The following STK3 variants were observed in gnomAD, a reference collection of about 807,000 sequenced individuals.
STK3 encodes serine/threonine-protein kinase 3.
STK3 carries 41 observed loss-of-function variants against 58.0 expected under a neutral mutation model. The observed-to-expected ratio is 0.71, with a 90% CI of 0.55 to 0.92. The LOEUF (loss-of-function observed/expected upper bound fraction) is 0.92. Among genes scored for constraint, STK3 ranks in the 40% least tolerant of loss-of-function variants. STK3 has a pLI of 0.00. For synonymous variants in STK3, 170 were observed against 191.0 expected (o/e 0.89, Z 0.91); for missense variants, 479 against 602.7 (o/e 0.79, Z 2.15).
intron 1 of STK3, among the ~76,000 whole-genome samples, chr8:98,805,579 AAATAATAAT>A (rs546519221): frequency 5.9e-5 from 9 of 151,278 alleles, no homozygotes; most frequent in Admixed American, 2.0e-4. Flanking sequence ...CATCTCCAAA[AAATAATAAT>A]AATAATAATA....
In STK3 at chr8:98,580,757, C is replaced by T. The variant is rs538139461; in HGVS notation, c.823-968G>A. On this transcript the variant is annotated intron_variant, in intron 7 of 10. Coordinates refer to ENST00000419617, the MANE Select transcript of STK3 (RefSeq NM_006281.4). ...CCTTCCTAAGTGCTGGGAATAGAGG[C>T]ATGAGCCACTGCACCCAGCCCTGAG... is the stretch of plus-strand genomic sequence containing the variant. Among the ~76,000 whole-genome samples, 5 of 152,288 alleles carry T rather than the reference C, an allele frequency of 3.3e-5. No homozygotes were observed. The East Asian group carries it at 9.7e-4, about 29-fold the overall frequency.
intron 6 of STK3, among the ~76,000 whole-genome samples, chr8:98,668,990 T>TC (rs1173969420): frequency 1.4e-5 from 2 of 141,420 alleles, no homozygotes; most frequent in African/African-American, 5.5e-5. Context: ...AATCTTGTCT[T>TC]TTTTTTTTTT....
intron 10 of STK3, among the ~76,000 whole-genome samples, chr8:98,518,343 A>C (rs1478774023): frequency 6.6e-6 from 1 of 152,100 alleles, no homozygotes; most frequent in Non-Finnish European, 1.5e-5. Flanking sequence ...ACCAAATAAA[A>C]ATTTCAGAAA....
intron 7 of STK3, among the ~76,000 whole-genome samples, chr8:98,590,817 T>TA (rs1009397463): frequency 6.6e-6 from 1 of 152,156 alleles, no homozygotes; most frequent in Non-Finnish European, 1.5e-5. Flanking sequence ...AAATATTATT[T>TA]AAAAAAATTA....
rs571485392 is a variant in STK3, at chr8:98,904,088, G to A, written c.-78-20254C>T. ...AAAACAAGGCTAAATTTCAGCTAAT[G>A]CTGTACCACGATCACAGGTCAGATA... On this transcript the variant is annotated intron_variant, in intron 1 of 1. Coordinates refer to the STK3 transcript ENST00000519420. 1.1e-4 allele frequency among the ~76,000 whole-genome samples: 16 copies of A among 152,272 alleles called. 1 individual carries two copies. Among genetic ancestry groups the A allele is most frequent in the African/African-American group, 3.8e-4 (16 of 41,560 alleles).
chr8:98,653,224 G>C (rs529253411), intron 6 of STK3, among the ~76,000 whole-genome samples: 2 of 152,302 alleles, frequency 1.3e-5, no homozygotes, highest in African/African-American at 4.8e-5. Flanking sequence ...ACCTGCTCCT[G>C]AATGACTACT....
intron 10 of STK3, among the ~76,000 whole-genome samples, chr8:98,466,934 T>G (rs1820511991): frequency 6.6e-6 from 1 of 152,174 alleles, no homozygotes; most frequent in Non-Finnish European, 1.5e-5. Flanking sequence ...TAAGGGTCAC[T>G]ACTCCAATGG....
At chr8:98,468,743 G>A (rs1252301276) in intron 10 of STK3, among the ~76,000 whole-genome samples, 2 of 152,168 alleles carry the variant, frequency 1.3e-5, no homozygotes, top group Non-Finnish European at 2.9e-5. Context: ...TTTCTGAATT[G>A]GGGAAAGGAC....
chr8:98,407,681 G>C (rs1232054514), intron 3 of STK3, among the ~76,000 whole-genome samples: 5 of 151,870 alleles, frequency 3.3e-5, no homozygotes. Flanking sequence ...AATTCCGAGA[G>C]GAGCTCACCT....
At chr8:98,667,725 A>C (rs1350996000) in intron 6 of STK3, among the ~76,000 whole-genome samples, 1 of 152,128 alleles carries the variant, frequency 6.6e-6, no homozygotes, top group African/African-American at 2.4e-5. Context: ...AAAACGAAGT[A>C]CAAAACAAAT....
At position 98,938,153 on chromosome 8, in the gene STK3, TA is replaced by T. The variant is rs60711152; in HGVS notation, c.-79+4224del. ...GCACTGACTCACTAAAATTAAAGCT[TA>T]AAAAAAAAAACTAAAAAAACTTGAA... On this transcript the variant is annotated intron_variant, in intron 1 of 1. Transcript: ENST00000519420. Among the ~76,000 whole-genome samples, 113 of 148,466 alleles carry T rather than the reference TA, an allele frequency of 7.6e-4. No individual in the cohort carries two copies. The Middle Eastern group carries it at 0.01, about 14-fold the overall frequency.
chr8:98,490,742 C>T (rs1822621727), intron 10 of STK3, among the ~76,000 whole-genome samples: 1 of 152,190 alleles, frequency 6.6e-6, no homozygotes, highest in East Asian at 1.9e-4. Context: ...GCAAGTTTCA[C>T]AAACCATTTA....
At chr8:98,911,419 G>A (rs1025330709) in intron 1 of STK3, among the ~76,000 whole-genome samples, 2 of 151,754 alleles carry the variant, frequency 1.3e-5, no homozygotes, top group East Asian at 1.9e-4. Flanking sequence ...TTGGAGAGAG[G>A]GTCTTGCTCT....
At chr8:98,677,960 T>TA in intron 6 of STK3, among the ~76,000 whole-genome samples, 1 of 152,226 alleles carries the variant, frequency 6.6e-6, no homozygotes, top group Non-Finnish European at 1.5e-5. Context: ...TGCACATGTA[T>TA]ATATCAGTGT....
chr8:98,344,892 CAAAAAAAAAA>C, the STK3 span, among the ~76,000 whole-genome samples: 3 of 47,404 alleles, frequency 6.3e-5, no homozygotes, highest in Non-Finnish European at 1.1e-4. Flanking sequence ...GACTCCGTCT[CAAAAAAAAAA>C]AAAAAAAAAA....
chr8:98,780,442 C>T (rs934656356), intron 1 of STK3, among the ~76,000 whole-genome samples: 12 of 152,056 alleles, frequency 7.9e-5, no homozygotes, highest in African/African-American at 2.9e-4. Flanking sequence ...TTGTTCTTTG[C>T]TCATTTTTCC....
At chr8:98,533,818 C>A (rs1293463401) in intron 9 of STK3, among the ~76,000 whole-genome samples, 1 of 152,146 alleles carries the variant, frequency 6.6e-6, no homozygotes, top group Non-Finnish European at 1.5e-5. Context: ...GTGTTTCCAT[C>A]TTTACTTTTC....
chr8:98,571,549 T>C (rs920534223), intron 8 of STK3, among the ~76,000 whole-genome samples: 1 of 152,180 alleles, frequency 6.6e-6, no homozygotes, highest in African/African-American at 2.4e-5. Context: ...CATGACATTA[T>C]TCAGACATTA....
intron 9 of STK3, among the ~76,000 whole-genome samples, chr8:98,528,948 G>T (rs562161516): frequency 2.6e-5 from 4 of 152,152 alleles, no homozygotes; most frequent in Non-Finnish European, 5.9e-5. Flanking sequence ...TCCTTTCATA[G>T]GATATATGTT....
Sources: gnomAD v4.1 joint callset for allele counts (sites outside exome capture counted in the v4.1 genomes callset) on GRCh38, gnomAD v4.1.1 for gene constraint, MANE v1.5 for transcripts, NCBI Gene and HGNC (gene_info 2026-07-23, HGNC 2026-07-21) for gene names.